The following KHK variants were observed in gnomAD, a reference collection of about 807,000 sequenced individuals.
The protein encoded by KHK is fructokinase.
A neutral mutation model predicts 36.0 loss-of-function variants in KHK; 37 were observed. The observed-to-expected ratio is 1.03, with a 90% CI of 0.79 to 1.35. The LOEUF is 1.35. KHK is among the 40% of genes most tolerant of loss of function. KHK has a pLI of 0.00. For synonymous variants in KHK, 161 were observed against 162.8 expected (o/e 0.99, Z 0.08); for missense variants, 395 against 391.9 (o/e 1.01, Z -0.07).
intron 1 of KHK, among the ~76,000 whole-genome samples, chr2:27,088,480 T>G (rs1669797398): frequency 6.6e-6 from 1 of 152,162 alleles, no homozygotes; most frequent in Admixed American, 6.6e-5. Context: ...TGGCATGATC[T>G]TGGCTCACTG....
chr2:27,096,240 C>T (rs2148356485), intron 3 of KHK, among the ~76,000 whole-genome samples: 1 of 152,310 alleles, frequency 6.6e-6, no homozygotes. Context: ...ACCTTGACCT[C>T]AGGGTTGCAA....
chr2:27,094,449 C>G (rs1287495208), intron 2 of KHK: 2 of 1,611,652 alleles, frequency 1.2e-6, no homozygotes, highest in Non-Finnish European at 1.7e-6. Flanking sequence ...TCGAACTGCA[C>G]CCCCTTCGGG....
Position 27,093,007 on chromosome 2 carries a change from C to G in KHK, c.209+559C>G, listed in dbSNP as rs571292858. 1.7e-4 allele frequency among the ~76,000 whole-genome samples: 26 copies of G among 152,276 alleles called. No homozygotes were observed. In the South Asian group the frequency reaches 4.8e-3, roughly 28 times the overall value. Reference sequence around the variant, plus strand: ...TTCCCCGGCTGTCAGGGCTATAGCCCTAAATGGCTCATGCACGCCCTCCAT... The same window carrying G: ...TTCCCCGGCTGTCAGGGCTATAGCCGTAAATGGCTCATGCACGCCCTCCAT... On this transcript the variant is annotated intron_variant, in intron 2 of 7. Coordinates refer to ENST00000260598, the MANE Select transcript of KHK (RefSeq NM_006488.3).
At position 27,094,650 on chromosome 2, in the gene KHK, C is replaced by T. The variant is rs376933692; in HGVS notation, c.210-150C>T. 91 of 1,613,790 alleles carry T rather than the reference C, an allele frequency of 5.6e-5. 1 individual carries two copies. In the African/African-American group the frequency reaches 7.5e-4, roughly 13 times the overall value. On this transcript the variant is annotated intron_variant, in intron 2 of 7. Transcript: ENST00000260598. The stretch of plus-strand genomic sequence containing the variant: ...TCTGTGCCTTGCCAGCTGCTGCCGC[C>T]GCCACCAAAACTCCCAGAACAGGAC...
Position 27,099,669 on chromosome 2 carries a change from G to A in KHK, c.816G>A (p.Arg272=). The A allele has an allele frequency of 9.3e-6, 15 of 1,614,160 alleles. No individual in the cohort carries two copies. The highest frequency in any genetic ancestry group is 1.1e-5 in the South Asian group (1 of 91,086). ...ASVIFSLSQG[R]SVQEALRFGC... is the part of the protein sequence containing the mutation. ...AGCTACTTGCCCCTCCTCCAGGGAG[G>A]AGCGTGCAGGAAGCACTGAGATTCG... The change falls in exon 8 of 8, where the codon AGG becomes AGA. Residue 272 remains arginine, a synonymous_variant. Coordinates refer to ENST00000260598, the MANE Select transcript of KHK (RefSeq NM_006488.3).
At position 27,099,892 on chromosome 2, in the gene KHK, G is replaced by A; in HGVS notation, c.*142G>A. On this transcript the variant is annotated 3_prime_UTR_variant, in exon 8 of 8. Coordinates refer to ENST00000260598, the MANE Select transcript of KHK (RefSeq NM_006488.3). ...GGGGAGGACTCTGCCTGTGTCCTGTGTTCCCCACAGGGAGAGGCTCTGGGG... is the reference window on the plus strand; with the variant it reads ...GGGGAGGACTCTGCCTGTGTCCTGTATTCCCCACAGGGAGAGGCTCTGGGG... 6.5e-7 allele frequency: 1 copy of A among 1,538,900 alleles called. No homozygotes were observed. Among genetic ancestry groups the A allele is most frequent in the African/African-American group, 1.4e-5 (1 of 72,894 alleles).
chr2:27,098,422 G>A (rs1194316109), intron 5 of KHK, among the ~76,000 whole-genome samples: 2 of 150,780 alleles, frequency 1.3e-5, no homozygotes, highest in African/African-American at 2.5e-5. Context: ...GGAGGCCAAT[G>A]CAGGAGGATC....
At position 27,100,108 on chromosome 2, in the gene KHK, C is replaced by T. The variant is rs561500248; in HGVS notation, c.*358C>T. ...GGAGGGGCTGCCTGGGCTAGAGCAG[C>T]GAGAAGTGCCCTGGGCTTGCCACCA... On this transcript the variant is annotated 3_prime_UTR_variant, in exon 8 of 8. Coordinates refer to ENST00000260598, the MANE Select transcript of KHK (RefSeq NM_006488.3). 9.7e-5 allele frequency: 55 copies of T among 568,192 alleles called. No homozygotes were observed. The highest frequency in any genetic ancestry group is 6.6e-4 in the African/African-American group (35 of 53,206). The allele number at this position is 568,192 out of a possible 1,614,324, so 35.2% of individuals were successfully genotyped here.
intron 1 of KHK, among the ~76,000 whole-genome samples, chr2:27,088,965 G>C (rs746255614): frequency 3.3e-5 from 5 of 152,170 alleles, no homozygotes; most frequent in Non-Finnish European, 7.3e-5. Flanking sequence ...TGAGGTGAGA[G>C]ACCCCGACAC....
At chr2:27,096,914 AC>A in intron 4 of KHK, 113 bp downstream of exon 4, 1 of 793,750 alleles carries the variant, frequency 1.3e-6, no homozygotes, top group Non-Finnish European at 2.2e-6. Context: ...AATGAACCCA[AC>A]CCCCTCATTC....
Position 27,100,277 on chromosome 2 carries a change from C to G in KHK, c.*527C>G. ...TGGGAGTCCACACCGCTGAGCTGAA[C>G]TGACAGGCCAGTGGGGGGCAGGGGT... On this transcript the variant is annotated 3_prime_UTR_variant, in exon 8 of 8. Coordinates refer to ENST00000260598, the MANE Select transcript of KHK (RefSeq NM_006488.3). 2.3e-6 allele frequency: 1 copy of G among 438,872 alleles called. No individual in the cohort carries two copies. The highest frequency in any genetic ancestry group is 1.9e-5 in the South Asian group (1 of 52,722). The allele number at this position is 438,872 out of a possible 1,614,324, so 27.2% of individuals were successfully genotyped here.
At chr2:27,087,409 G>T in intron 1 of KHK, 58 bp downstream of exon 1, 2 of 1,378,472 alleles carry the variant, frequency 1.5e-6, no homozygotes, top group Middle Eastern at 1.8e-4. Context: ...CAGCATTTGT[G>T]CCAGCGACCG....
At position 27,092,186 on chromosome 2, in the gene KHK, C is replaced by G. The variant is rs577818680; in HGVS notation, c.93-146C>G. 5.3e-6 allele frequency: 4 copies of G among 756,534 alleles called. No homozygotes were observed. In the Admixed American group the frequency reaches 5.3e-5, roughly 10 times the overall value. The allele number at this position is 756,534 out of a possible 1,614,324, so 46.9% of individuals were successfully genotyped here. The stretch of plus-strand genomic sequence containing the variant: ...CCAAGCTCCTTCCCTTGGCCGGCCT[C>G]GGCTGCCCCGGGTACAAAGTGAGAC... On this transcript the variant is annotated intron_variant, in intron 1 of 7. Coordinates refer to ENST00000260598, the MANE Select transcript of KHK (RefSeq NM_006488.3).
chr2:27,096,468 AGACCTTGCCAGTT>A (rs768961342), intron 3 of KHK, among the ~76,000 whole-genome samples: 12 of 152,204 alleles, frequency 7.9e-5, no homozygotes, highest in Non-Finnish European at 1.5e-4. Context: ...CAAGGCACAC[AGACCTTGCCAGTT>A]GACATGTGTT....
chr2:27,099,138 T>TG, intron 5 of KHK, 58 bp from the exon 6 acceptor site: 4 of 1,507,790 alleles, frequency 2.7e-6, no homozygotes, highest in Non-Finnish European at 3.7e-6. Context: ...AACGCTAGGC[T>TG]GCTGTTGGTG....
rs143394563 is a variant in KHK at position 27,099,137 on chromosome 2, C to T, written c.565-59C>T. The T allele has an allele frequency of 8.0e-4, 1,196 of 1,501,944 alleles. 6 individuals carry two copies. In the African/African-American group the frequency reaches 0.014, roughly 17 times the overall value. 93.0% of individuals were successfully genotyped at this position (1,501,944 alleles called of 1,614,324 possible). On this transcript the variant is annotated intron_variant, in intron 5 of 7. Coordinates refer to ENST00000260598, the MANE Select transcript of KHK (RefSeq NM_006488.3). ...GTGTTGTAATGGGGGCAACGCTAGG[C>T]TGCTGTTGGTGAATGACGAGTTAGA...
Position 27,093,098 on chromosome 2 carries a change from C to T in KHK, c.209+650C>T, listed in dbSNP as rs1027600953. On this transcript the variant is annotated intron_variant, in intron 2 of 7. Transcript: ENST00000260598. ...CGCTGCCGACTCAGCAAGCACTTATCGGGAGGTGAGGCCCACACTTTGCAC... is the reference window on the plus strand; with the variant it reads ...CGCTGCCGACTCAGCAAGCACTTATTGGGAGGTGAGGCCCACACTTTGCAC... Among the ~76,000 whole-genome samples the T allele has an allele frequency of 3.9e-5, 6 of 152,192 alleles. No homozygotes were observed. In the East Asian group the frequency reaches 5.8e-4, roughly 15 times the overall value.
intron 5 of KHK, among the ~76,000 whole-genome samples, chr2:27,098,426 G>A (rs1670539721): frequency 6.7e-6 from 1 of 150,050 alleles, no homozygotes; most frequent in South Asian, 2.1e-4. Flanking sequence ...GCCAATGCAG[G>A]AGGATCACTT....
intron 3 of KHK, among the ~76,000 whole-genome samples, chr2:27,095,907 C>G (rs1037563466): frequency 6.6e-6 from 1 of 152,258 alleles, no homozygotes; most frequent in Non-Finnish European, 1.5e-5. Context: ...AAGGACACAA[C>G]ATAGCTATTT....
Sources: allele counts gnomAD v4.1 joint callset (sites outside exome capture counted in the v4.1 genomes callset), GRCh38; gene constraint gnomAD v4.1.1; transcripts MANE v1.5; gene names NCBI Gene and HGNC (gene_info 2026-07-23, HGNC 2026-07-21).